SENP5: variants seen among roughly 807,000 people sequenced by gnomAD.
The protein encoded by SENP5 is SUMO specific peptidase 5.
A neutral mutation model predicts 74.2 loss-of-function variants in SENP5; 21 were observed. That is an observed-to-expected ratio of 0.28 (90% CI 0.20 to 0.41). The LOEUF is 0.41. Ranked by LOEUF, SENP5 falls within the 10% of genes least tolerant of loss-of-function variation. The pLI, the probability that SENP5 is intolerant of heterozygous loss-of-function variation, is 1.00. For synonymous variants in SENP5, 311 were observed against 312.7 expected, an observed-to-expected ratio of 0.99 and a Z score of 0.06; for missense variants, 717 against 889.1, an observed-to-expected ratio of 0.81 and a Z score of 2.46.
chr3:196,884,278 AC>A (rs767986217), intron 1 of SENP5, among the ~76,000 whole-genome samples: 2 of 152,212 alleles, frequency 1.3e-5, no homozygotes, highest in African/African-American at 2.4e-5. Flanking sequence ...AAATGCTCTC[AC>A]CCAGTGATGG....
chr3:196,907,055 A>G (rs993104897), intron 6 of SENP5, among the ~76,000 whole-genome samples: 1 of 152,210 alleles, frequency 6.6e-6, no homozygotes. Context: ...TGTGACTTGT[A>G]TGACTGGACG....
intron 1 of SENP5, among the ~76,000 whole-genome samples, chr3:196,876,532 A>G (rs1447166897): frequency 2.0e-5 from 3 of 151,076 alleles, no homozygotes; most frequent in East Asian, 1.9e-4. Flanking sequence ...AAAAAAAAAA[A>G]AAGAAAAGAA....
rs561522755 is a variant in SENP5 at position 196,927,065 on chromosome 3, T to G, written c.2023-731T>G. On this transcript the variant is annotated intron_variant, in intron 7 of 9. Coordinates refer to ENST00000323460, the MANE Select transcript of SENP5 (RefSeq NM_152699.5). ...GGGACATTTTGAAACTCCAGCAGGC[T>G]TCATCTTGGTAGATAGTTCAACAGT... is the stretch of plus-strand genomic sequence containing the variant. 1.3e-3 allele frequency among the ~76,000 whole-genome samples: 197 copies of G among 152,308 alleles called. 1 individual carries two copies. Among genetic ancestry groups the G allele is most frequent in the Non-Finnish European group, 2.3e-3 (159 of 68,026 alleles).
intron 1 of SENP5, among the ~76,000 whole-genome samples, chr3:196,878,530 A>G (rs1202679976): frequency 6.6e-6 from 1 of 152,168 alleles, no homozygotes; most frequent in Non-Finnish European, 1.5e-5. Flanking sequence ...ATTCACCAAA[A>G]GCAGCCTCTT....
chr3:196,893,193 T>G (rs1714288238), intron 2 of SENP5, among the ~76,000 whole-genome samples: 1 of 152,208 alleles, frequency 6.6e-6, no homozygotes, highest in Non-Finnish European at 1.5e-5. Context: ...ATTCAAGTCC[T>G]TTGCCTGCTT....
intron 7 of SENP5, among the ~76,000 whole-genome samples, chr3:196,926,929 C>T (rs534624853): frequency 6.6e-6 from 1 of 152,246 alleles, no homozygotes; most frequent in South Asian, 2.1e-4. Flanking sequence ...CAGGTGTGAG[C>T]CACCGCGTCT....
intron 5 of SENP5, among the ~76,000 whole-genome samples, chr3:196,901,714 T>C (rs1170616239): frequency 2.6e-5 from 4 of 152,270 alleles, no homozygotes; most frequent in African/African-American, 9.6e-5. Flanking sequence ...ATCATGAGGC[T>C]AATCTGCTAG....
At chr3:196,914,035 G>A (rs1715250220) in intron 6 of SENP5, 1 of 152,148 alleles carries the variant, frequency 6.6e-6, no homozygotes, top group Non-Finnish European at 1.5e-5. Flanking sequence ...ACAGATAAAT[G>A]CAGTAAGTTA....
intron 4 of SENP5, 148 bp from the exon 5 acceptor site, chr3:196,900,217 A>G (rs9825635): frequency 0.71 from 777,179 of 1,090,426 alleles, 283,632 homozygotes; most frequent in Non-Finnish European, 0.75. Context: ...TTTGATTACT[A>G]TTGGCAGTAA....
intron 1 of SENP5, among the ~76,000 whole-genome samples, chr3:196,868,444 C>G (rs1306049074): frequency 6.6e-6 from 1 of 152,242 alleles, no homozygotes; most frequent in Admixed American, 6.5e-5. Flanking sequence ...GCTTAGACCG[C>G]TCTGCCTCCT....
intron 2 of SENP5, among the ~76,000 whole-genome samples, chr3:196,899,078 C>CAA (rs10709079): frequency 1.8e-5 from 2 of 108,224 alleles, no homozygotes. Flanking sequence ...GACGCCATCT[C>CAA]AAAAAAAAAA....
intron 2 of SENP5, among the ~76,000 whole-genome samples, chr3:196,890,554 C>CAA (rs35762682): frequency 1.3e-5 from 2 of 152,040 alleles, no homozygotes; most frequent in Non-Finnish European, 2.9e-5. Flanking sequence ...CGGGTTGCTG[C>CAA]AAAAAAATGA....
intron 2 of SENP5, among the ~76,000 whole-genome samples, chr3:196,898,179 A>T (rs1452805811): frequency 2.5e-4 from 5 of 19,808 alleles, no homozygotes; most frequent in African/African-American, 6.9e-4. Context: ...GCTTTGTCTT[A>T]AAAAAAAAGA....
intron 8 of SENP5, among the ~76,000 whole-genome samples, 193 bp downstream of exon 8, chr3:196,928,072 A>T (rs1232577968): frequency 6.6e-6 from 1 of 152,088 alleles, no homozygotes; most frequent in Admixed American, 6.5e-5. Context: ...GCTTCCCGGG[A>T]GCAAATCACT....
chr3:196,889,569 T>C (rs1338714312), intron 2 of SENP5, among the ~76,000 whole-genome samples: 1 of 152,200 alleles, frequency 6.6e-6, no homozygotes, highest in Non-Finnish European at 1.5e-5. Context: ...TAAAGGAAGC[T>C]TCCTTGAATT....
intron 1 of SENP5, among the ~76,000 whole-genome samples, chr3:196,876,517 CAAAAAAAA>C (rs11294142): frequency 1.0e-5 from 1 of 95,416 alleles, no homozygotes. Flanking sequence ...GATTCTGTCT[CAAAAAAAA>C]AAAAAAAAAG....
chr3:196,884,680 T>TG (rs1284006788), intron 1 of SENP5, among the ~76,000 whole-genome samples: 1 of 150,402 alleles, frequency 6.6e-6, no homozygotes. Context: ...TTTTGTTTTT[T>TG]TTTTTTTTGA....
At chr3:196,906,417 A>G (rs1714907353) in intron 6 of SENP5, among the ~76,000 whole-genome samples, 1 of 152,198 alleles carries the variant, frequency 6.6e-6, no homozygotes, top group Non-Finnish European at 1.5e-5. Flanking sequence ...TGGTGGAGAC[A>G]GCACCTACCA....
intron 1 of SENP5, among the ~76,000 whole-genome samples, chr3:196,877,009 T>TA (rs141498394): frequency 0.015 from 2,342 of 152,240 alleles, 53 homozygotes; most frequent in African/African-American, 0.052. Flanking sequence ...CCACATTGCT[T>TA]ACTTTTTAAT....
Sources: gnomAD v4.1 joint callset for allele counts (sites outside exome capture counted in the v4.1 genomes callset) on GRCh38, gnomAD v4.1.1 for gene constraint, MANE v1.5 for transcripts, NCBI Gene and HGNC (gene_info 2026-07-23, HGNC 2026-07-21) for gene names.